The following PRELID2 variants were observed in gnomAD, a reference collection of about 807,000 sequenced individuals.
PRELID2 encodes PRELI domain-containing protein 2.
Under a neutral mutation model 28.4 loss-of-function variants are expected in PRELID2, and 25 were observed. The ratio of observed to expected loss-of-function variants is 0.88; its 90% confidence interval spans 0.64 to 1.23. PRELID2 has a LOEUF of 1.23. Among genes scored for constraint, PRELID2 ranks in the 50% most tolerant of loss-of-function variants. The pLI is 0.00. For missense variants in PRELID2, 201 were observed against 214.4 expected, an observed-to-expected ratio of 0.94 and a Z score of 0.39; for synonymous variants, 76 against 71.6, an observed-to-expected ratio of 1.06 and a Z score of -0.31.
chr5:145,420,202 T>G, the PRELID2 span, among the ~76,000 whole-genome samples: 1 of 152,172 alleles, frequency 6.6e-6, no homozygotes, highest in Non-Finnish European at 1.5e-5. Flanking sequence ...TAGGATTGAC[T>G]TGGCGATGCG....
intron 1 of PRELID2, among the ~76,000 whole-genome samples, chr5:145,638,970 A>T (rs1754049320): frequency 6.6e-6 from 1 of 152,226 alleles, no homozygotes; most frequent in African/African-American, 2.4e-5. Flanking sequence ...AGAGTAAAAT[A>T]GTGTTTTAGA....
In PRELID2 at chr5:145,779,594, G is replaced by A. The variant is rs544024253; in HGVS notation, c.475-14594C>T. ...ACTAACACTGTTTCATTATGACTGT[G>A]TTTAAAATTTGCGTATGAGACTAGA... is the stretch of plus-strand genomic sequence containing the variant. On this transcript the variant is annotated intron_variant, in intron 5 of 6. Coordinates refer to ENST00000683046, the MANE Select transcript of PRELID2 (RefSeq NM_205846.3). 7.0e-4 allele frequency among the ~76,000 whole-genome samples: 107 copies of A among 152,122 alleles called. 4 individuals are homozygous for A. The South Asian group carries it at 0.015, about 22-fold the overall frequency.
At chr5:145,581,097 G>T (rs1425608540) in intron 1 of PRELID2, among the ~76,000 whole-genome samples, 1 of 151,288 alleles carries the variant, frequency 6.6e-6, no homozygotes, top group Admixed American at 6.6e-5. Context: ...GTCTCTGTTG[G>T]CCTTAAAATA....
At chr5:145,464,922 G>A in the PRELID2 span, among the ~76,000 whole-genome samples, 1 of 152,028 alleles carries the variant, frequency 6.6e-6, no homozygotes, top group African/African-American at 2.4e-5. Flanking sequence ...TTTGCCCTCT[G>A]GACCAAAGAG....
intron 1 of PRELID2, among the ~76,000 whole-genome samples, chr5:145,713,059 G>A (rs1470255678): frequency 1.3e-5 from 2 of 151,588 alleles, no homozygotes; most frequent in African/African-American, 2.4e-5. Context: ...ATAGAACTGC[G>A]GGACAATATT....
chr5:145,248,533 A>G, the PRELID2 span, among the ~76,000 whole-genome samples: 3 of 152,076 alleles, frequency 2.0e-5, no homozygotes, highest in Non-Finnish European at 4.4e-5. Context: ...AGTGGCTCAC[A>G]CCTATAATCC....
At chr5:145,508,155 G>A (rs533872102) in intron 1 of PRELID2, among the ~76,000 whole-genome samples, 3 of 152,170 alleles carry the variant, frequency 2.0e-5, no homozygotes, top group Non-Finnish European at 2.9e-5. Flanking sequence ...TCTTTCCCAA[G>A]AGAAATTTGG....
chr5:145,677,783 A>G (rs1258676083), intron 1 of PRELID2, among the ~76,000 whole-genome samples: 1 of 152,150 alleles, frequency 6.6e-6, no homozygotes, highest in Non-Finnish European at 1.5e-5. Flanking sequence ...TGAATTATGA[A>G]TTTTGGGGTC....
chr5:145,320,158 T>C, the PRELID2 span, among the ~76,000 whole-genome samples: 1 of 152,256 alleles, frequency 6.6e-6, no homozygotes, highest in Non-Finnish European at 1.5e-5. Context: ...GAAGATGCAA[T>C]GTCTCATTGT....
At chr5:145,434,344 T>G in the PRELID2 span, among the ~76,000 whole-genome samples, 274 of 152,294 alleles carry the variant, frequency 1.8e-3, no homozygotes, top group African/African-American at 6.1e-3. Flanking sequence ...AACAGAACAC[T>G]TGGGACAAAT....
intron 1 of PRELID2, among the ~76,000 whole-genome samples, chr5:145,503,545 A>G (rs1030912004): frequency 1.3e-5 from 2 of 152,036 alleles, no homozygotes; most frequent in Admixed American, 1.3e-4. Context: ...AAAAATCACT[A>G]TTATCATTTT....
chr5:145,247,401 GC>G, the PRELID2 span, among the ~76,000 whole-genome samples: 1 of 152,082 alleles, frequency 6.6e-6, no homozygotes, highest in Admixed American at 6.6e-5. Context: ...CTCTGTCTAG[GC>G]AGCAGGCAAG....
intron 1 of PRELID2, among the ~76,000 whole-genome samples, chr5:145,574,580 T>G (rs1298665175): frequency 4.6e-5 from 7 of 152,142 alleles, no homozygotes; most frequent in Non-Finnish European, 1.0e-4. Context: ...TATAAGCTTA[T>G]GTTTTGGGGT....
chr5:145,583,317 A>G (rs1753124230), intron 1 of PRELID2, among the ~76,000 whole-genome samples: 1 of 152,124 alleles, frequency 6.6e-6, no homozygotes, highest in Admixed American at 6.6e-5. Flanking sequence ...CATATATAAC[A>G]AACCCACAGC....
At chr5:145,363,709 A>T in the PRELID2 span, among the ~76,000 whole-genome samples, 1 of 152,068 alleles carries the variant, frequency 6.6e-6, no homozygotes, top group Non-Finnish European at 1.5e-5. Flanking sequence ...GACTATAATC[A>T]TCATCTGAAT....
Position 145,632,000 on chromosome 5 carries a change from C to A in PRELID2, n.70+132931G>T, listed in dbSNP as rs188313075. Among the ~76,000 whole-genome samples, 3 of 152,204 alleles carry A rather than the reference C, an allele frequency of 2.0e-5. No individual in the cohort carries two copies. The East Asian group carries it at 5.8e-4, about 29-fold the overall frequency. On this transcript the variant is annotated intron_variant and non_coding_transcript_variant, in intron 1 of 2. Transcript: ENST00000510259. ...ATTTTCTGAAATAATTAACTAATTGCACTATTTAAAATAACATCTGATCCA... is the reference window on the plus strand; with the variant it reads ...ATTTTCTGAAATAATTAACTAATTGAACTATTTAAAATAACATCTGATCCA...
At chr5:145,813,794 A>C (rs1754109352) in intron 4 of PRELID2, among the ~76,000 whole-genome samples, 1 of 152,202 alleles carries the variant, frequency 6.6e-6, no homozygotes, top group Admixed American at 6.5e-5. Flanking sequence ...GAAAAAAAAA[A>C]ATTTAACTGG....
intron 1 of PRELID2, among the ~76,000 whole-genome samples, chr5:145,511,814 A>C (rs772931795): frequency 1.1e-4 from 17 of 152,206 alleles, no homozygotes; most frequent in Admixed American, 2.0e-4. Flanking sequence ...TCACATGAAC[A>C]TCCTCTATCT....
chr5:145,316,427 G>A, the PRELID2 span, among the ~76,000 whole-genome samples: 1,304 of 152,104 alleles, frequency 8.6e-3, 17 homozygotes, highest in African/African-American at 0.029. Flanking sequence ...CTACACCTGG[G>A]GACTAGATTG....
Sources: gnomAD v4.1 joint callset for allele counts (sites outside exome capture counted in the v4.1 genomes callset) on GRCh38, gnomAD v4.1.1 for gene constraint, MANE v1.5 for transcripts, NCBI Gene and HGNC (gene_info 2026-07-23, HGNC 2026-07-21) for gene names.